The following AADACL4 variants were observed in gnomAD, a reference collection of about 807,000 sequenced individuals.
AADACL4 encodes arylacetamide deacetylase like 4, also known as arylacetamide deacetylase-like 4.
AADACL4 carries 9 observed loss-of-function variants against 14.1 expected under a neutral mutation model. That is an observed-to-expected ratio of 0.64 (90% CI 0.39 to 1.12). The LOEUF (loss-of-function observed/expected upper bound fraction) is 1.12. AADACL4 is among the 50% of genes most tolerant of loss of function. The pLI is 0.01. For synonymous variants in AADACL4, 188 were observed against 201.6 expected (o/e 0.93, Z 0.57); for missense variants, 531 against 516.1 (o/e 1.03, Z -0.28).
chr1:12,650,853 G>C (rs1570426926), intron 1 of AADACL4, among the ~76,000 whole-genome samples: 1 of 152,286 alleles, frequency 6.6e-6, no homozygotes, highest in South Asian at 2.1e-4. Flanking sequence ...TTCTAAGTCA[G>C]TGGCTTCTTC....
intron 1 of AADACL4, among the ~76,000 whole-genome samples, chr1:12,647,236 G>A (rs1200737782): frequency 6.6e-6 from 1 of 151,970 alleles, no homozygotes; most frequent in African/African-American, 2.4e-5. Context: ...TCGGACCACA[G>A]GCGTGCACCT....
chr1:12,661,750 C>T, intron 2 of AADACL4, 41 bp from the exon 3 acceptor site: 5 of 1,595,270 alleles, frequency 3.1e-6, no homozygotes, highest in Non-Finnish European at 3.4e-6. Flanking sequence ...TGGTTTGGGT[C>T]CTACTCATGC....
intron 1 of AADACL4, among the ~76,000 whole-genome samples, chr1:12,649,623 T>A (rs1025170035): frequency 1.3e-5 from 2 of 152,158 alleles, no homozygotes; most frequent in East Asian, 3.9e-4. Context: ...ATTGGGGTAG[T>A]CCGTGCAACC....
intron 1 of AADACL4, among the ~76,000 whole-genome samples, chr1:12,649,291 G>A (rs1647130594): frequency 6.6e-6 from 1 of 152,182 alleles, no homozygotes; most frequent in Admixed American, 6.5e-5. Context: ...CTGCTGAACA[G>A]GTAAGAAAGG....
chr1:12,645,442 G>C (rs1647105738), intron 1 of AADACL4, among the ~76,000 whole-genome samples: 1 of 150,800 alleles, frequency 6.6e-6, no homozygotes, highest in Non-Finnish European at 1.5e-5. Flanking sequence ...TTCAGACCCA[G>C]TTCCTGCCTT....
At chr1:12,647,205 C>T (rs1647117286) in intron 1 of AADACL4, among the ~76,000 whole-genome samples, 1 of 151,898 alleles carries the variant, frequency 6.6e-6, no homozygotes, top group Non-Finnish European at 1.5e-5. Flanking sequence ...GTGATCCTCC[C>T]ACCTCAGCCT....
In AADACL4 at chr1:12,644,714, G is replaced by T. The variant is rs1411656129; in HGVS notation, c.168G>T (p.Leu56Phe). ...GCATATTCCTCTACCTGGTCACTTT[G>T]GTGAGTTTACTCTCAGGCCACGTCG... ...LHCIFLYLVT[L>F]GNIFEKLGIC... Residue 56 changes from leucine to phenylalanine, a missense_variant and splice_region_variant, in exon 1 of 4, where the codon TTG becomes TTT. By Grantham distance (22) the Leu-to-Phe change is conservative. Transcript: ENST00000376221. 6.2e-7 allele frequency: 1 copy of T among 1,613,634 alleles called. No homozygotes were observed. Among genetic ancestry groups the T allele is most frequent in the South Asian group, 1.1e-5 (1 of 91,058 alleles).
At chr1:12,662,600 T>C (rs1252784212) in intron 3 of AADACL4, among the ~76,000 whole-genome samples, 1 of 152,176 alleles carries the variant, frequency 6.6e-6, no homozygotes, top group African/African-American at 2.4e-5. Context: ...ACTAGGATTC[T>C]GGTTCTTGGC....
At chr1:12,646,438 C>T (rs74057608) in intron 1 of AADACL4, among the ~76,000 whole-genome samples, 8,117 of 152,306 alleles carry the variant, frequency 0.053, 279 homozygotes, top group Middle Eastern at 0.12. Flanking sequence ...CTTTTAGAGA[C>T]ACCGACAAGT....
intron 1 of AADACL4, among the ~76,000 whole-genome samples, chr1:12,648,388 C>CCTTCCTTCCTTTCTTT (rs1487579652): frequency 0.018 from 2,694 of 146,636 alleles, 53 homozygotes; most frequent in African/African-American, 0.05. Context: ...TTCCTTCCTT[C>CCTTCCTTCCTTTCTTT]CTTTCTTTCC....
At chr1:12,653,497 C>CTTTGAACA (rs1233892024) in intron 2 of AADACL4, among the ~76,000 whole-genome samples, 1 of 152,202 alleles carries the variant, frequency 6.6e-6, no homozygotes, top group Non-Finnish European at 1.5e-5. Flanking sequence ...GTTGGTAAAA[C>CTTTGAACA]TTTGAACATG....
At chr1:12,665,905 G>A in intron 3 of AADACL4, 56 bp from the exon 4 acceptor site, 1 of 1,513,658 alleles carries the variant, frequency 6.6e-7, no homozygotes, top group Non-Finnish European at 8.9e-7. Flanking sequence ...TGTTGAAACA[G>A]CTCCCTAGCA....
At chr1:12,644,979 CCTT>C (rs1451530478) in intron 1 of AADACL4, among the ~76,000 whole-genome samples, 34 of 144,008 alleles carry the variant, frequency 2.4e-4, no homozygotes, top group African/African-American at 8.0e-4. Flanking sequence ...TTTCTTTTTT[CCTT>C]CTTTCCTTCC....
In AADACL4 at chr1:12,664,940, AGACCAAC is replaced by A. The variant is rs757993406; in HGVS notation, c.450-1019_450-1013del. Among the ~76,000 whole-genome samples, 144 of 152,322 alleles carry A rather than the reference AGACCAAC, an allele frequency of 9.5e-4. 2 individuals are homozygous for A. Among genetic ancestry groups the A allele is most frequent in the Middle Eastern group, 6.8e-3 (2 of 294 alleles). ...CGGAAGCCAAACCTCAGGATACTGA[AGACCAAC>A]GCCCTAGTGTTCTTCACCAGCTGCT... On this transcript the variant is annotated intron_variant, in intron 3 of 3. Transcript: ENST00000376221.
At chr1:12,660,089 G>A (rs2265708) in intron 2 of AADACL4, among the ~76,000 whole-genome samples, 23,070 of 152,152 alleles carry the variant, frequency 0.15, 4,102 homozygotes, top group African/African-American at 0.43. Flanking sequence ...AAGTGTTGGG[G>A]TTACAGGAGT....
Position 12,644,401 on chromosome 1 carries a change from G to A in AADACL4, c.-146G>A. 1.1e-6 allele frequency: 1 copy of A among 870,696 alleles called. No individual in the cohort carries two copies. The highest frequency in any genetic ancestry group is 1.7e-6 in the Non-Finnish European group (1 of 579,848). 53.9% of individuals were successfully genotyped at this position (870,696 alleles called of 1,614,324 possible). A position where few individuals can be genotyped will look rare whatever the true frequency, so the allele number is the denominator to read the frequency against. The stretch of plus-strand genomic sequence containing the variant: ...GGCCTTTTTGTGCTTACCCTGAGAA[G>A]CTGTGTCAGGCCACTGTGTCAGGTG... On this transcript the variant is annotated 5_prime_UTR_variant, in exon 1 of 4. Transcript: ENST00000376221.
intron 1 of AADACL4, among the ~76,000 whole-genome samples, chr1:12,648,345 G>GATCCATCC (rs879554426): frequency 3.0e-5 from 4 of 133,740 alleles, no homozygotes; most frequent in Non-Finnish European, 4.7e-5. Flanking sequence ...CTGGACCTCA[G>GATCCATCC]ATCCTTCCTT....
chr1:12,650,377 T>C (rs1384369772), intron 1 of AADACL4, among the ~76,000 whole-genome samples: 2 of 152,308 alleles, frequency 1.3e-5, no homozygotes, highest in Non-Finnish European at 2.9e-5. Context: ...CTCTTTTTCA[T>C]TGAACACGGA....
chr1:12,647,846 C>T (rs765489506), intron 1 of AADACL4, among the ~76,000 whole-genome samples: 3 of 151,918 alleles, frequency 2.0e-5, no homozygotes, highest in Non-Finnish European at 4.4e-5. Flanking sequence ...TTTGTAGAGA[C>T]CAGGTTTTGC....
Sources: gnomAD v4.1 joint callset for allele counts (sites outside exome capture counted in the v4.1 genomes callset) on GRCh38, gnomAD v4.1.1 for gene constraint, MANE v1.5 for transcripts, NCBI Gene and HGNC (gene_info 2026-07-23, HGNC 2026-07-21) for gene names.